The following MMP28 variants were observed in gnomAD, a reference collection of about 807,000 sequenced individuals.
MMP28 encodes the protein matrix metalloproteinase-28.
In MMP28, 55 loss-of-function variants were observed where a neutral mutation model predicts 60.5. The observed-to-expected ratio is 0.91, with a 90% confidence interval of 0.73 to 1.14. The LOEUF is 1.14. MMP28 is among the 50% of genes most tolerant of loss of function. The probability of loss-of-function intolerance (pLI) is 0.00; values close to 1 mark genes in which losing one functional copy is unlikely to be tolerated. For missense variants in MMP28, 686 were observed against 738.3 expected, an observed-to-expected ratio of 0.93 and a Z score of 0.82; for synonymous variants, 318 against 312.5, an observed-to-expected ratio of 1.02 and a Z score of -0.18.
chr17:35,778,705 G>T, intron 3 of MMP28, 183 bp downstream of exon 3: 1 of 1,370,988 alleles, frequency 7.3e-7, no homozygotes, highest in Non-Finnish European at 9.7e-7. Context: ...GTGTCATTCT[G>T]AATTAAATGT....
chr17:35,790,245 A>G (rs2086775285), intron 1 of MMP28, among the ~76,000 whole-genome samples: 1 of 151,490 alleles, frequency 6.6e-6, no homozygotes, highest in Non-Finnish European at 1.5e-5. Flanking sequence ...TACTATTTTC[A>G]GTAGAGATGA....
downstream of MMP28, among the ~76,000 whole-genome samples, chr17:35,762,079 C>T (rs1188444658): frequency 6.6e-6 from 1 of 152,050 alleles, no homozygotes; most frequent in Non-Finnish European, 1.5e-5. Flanking sequence ...CAACCTCCGA[C>T]CCCTGGGTTC....
At chr17:35,793,716 C>T (rs2086881575) in intron 1 of MMP28, among the ~76,000 whole-genome samples, 1 of 152,174 alleles carries the variant, frequency 6.6e-6, no homozygotes, top group African/African-American at 2.4e-5. Context: ...TACTGAGAAG[C>T]TCTCAACGGG....
downstream of MMP28, among the ~76,000 whole-genome samples, chr17:35,763,472 A>G (rs2085866074): frequency 6.7e-6 from 1 of 149,672 alleles, no homozygotes; most frequent in Non-Finnish European, 1.5e-5. Context: ...GAGCGAAATA[A>G]AAAGAGTCTG....
chr17:35,778,703 C>T (rs547381749), intron 3 of MMP28, 185 bp downstream of exon 3: 50 of 1,346,934 alleles, frequency 3.7e-5, no homozygotes, highest in Non-Finnish European at 4.6e-5. Flanking sequence ...AGGTGTCATT[C>T]TGAATTAAAT....
At chr17:35,768,410 G>A (rs2086014091) in intron 5 of MMP28, 31 bp from the exon 6 acceptor site, 1 of 1,550,314 alleles carries the variant, frequency 6.5e-7, no homozygotes, top group South Asian at 1.2e-5. Context: ...GAGAGAGAGA[G>A]AACACACATA....
chr17:35,766,938 C>G lies in MMP28; in HGVS notation c.1169-44G>C, dbSNP rs762354599. 7.2e-6 allele frequency: 11 copies of G among 1,530,796 alleles called. No individual in the cohort carries two copies. The highest frequency in any genetic ancestry group is 3.6e-5 in the South Asian group (3 of 83,776). The allele number at this position is 1,530,796 out of a possible 1,614,324, so 94.8% of individuals were successfully genotyped here. A position where few individuals can be genotyped will look rare whatever the true frequency, so the allele number is the denominator to read the frequency against. ...GCCAGGGTGAGCTGGAGGCTGTCACCCATTGGCCCTCTACCCCACTTCTGT... is the reference window on the plus strand; with the variant it reads ...GCCAGGGTGAGCTGGAGGCTGTCACGCATTGGCCCTCTACCCCACTTCTGT... On this transcript the variant is annotated intron_variant, in intron 7 of 7. Transcript: ENST00000605424. The surrounding 1 kb of genome is among the most constrained non-coding windows in gnomAD (Gnocchi z 4.3).
chr17:35,760,960 T>G (rs782316317), downstream of MMP28: 2 of 1,612,838 alleles, frequency 1.2e-6, no homozygotes, highest in Non-Finnish European at 8.5e-7. Context: ...GCATGGTGAG[T>G]GGGGCTGGAG....
chr17:35,780,219 C>T (rs777465180), intron 1 of MMP28, among the ~76,000 whole-genome samples: 2 of 152,042 alleles, frequency 1.3e-5, no homozygotes, highest in African/African-American at 4.8e-5. Flanking sequence ...CAGGCATGCA[C>T]CACCACGCCT....
Position 35,768,365 on chromosome 17 carries a change from C to G in MMP28, c.865G>C (p.Gly289Arg), listed in dbSNP as rs774639772. 6.2e-7 allele frequency: 1 copy of G among 1,603,992 alleles called. No homozygotes were observed. The highest frequency in any genetic ancestry group is 2.2e-5 in the East Asian group (1 of 44,788). ...VQSLYGKPLG[G>R]SVAVQLPGKL... ...CCTGGGAGCTGGACGGCCACTGAGC[C>G]CCCTAGGGGCTTCCCTTTGTGAGTA... Residue 289 changes from glycine to arginine, a missense_variant, in exon 6 of 8, where the codon GGC becomes CGC. By Grantham distance (125) the Gly-to-Arg change is moderately radical (BLOSUM62 -2). Coordinates refer to ENST00000605424, the MANE Select transcript of MMP28 (RefSeq NM_024302.5).
rs1049352294 is a variant in MMP28, at chr17:35,778,935, G to T, written c.332C>A (p.Ala111Asp). The T allele has an allele frequency of 6.2e-6, 10 of 1,614,044 alleles. No homozygotes were observed. The highest frequency in any genetic ancestry group is 8.5e-6 in the Non-Finnish European group (10 of 1,179,896). Reference protein sequence around the residue: ...AWAERISDLFARHRTKMRRKK... With the variant: ...AWAERISDLFDRHRTKMRRKK... ...ACGCCTCATTTTGGTCCGGTGTCTA[G>T]CAAACAAGTCACTGATCCTCTCAGC... The change falls in exon 3 of 8, where the codon GCT (alanine) becomes GAT (aspartate). Residue 111 changes from alanine to aspartate, a missense_variant. Ala to Asp is a moderately radical substitution (Grantham distance 126). Transcript: ENST00000605424.
At chr17:35,784,836 T>C (rs190050651) in intron 1 of MMP28, among the ~76,000 whole-genome samples, 7 of 152,318 alleles carry the variant, frequency 4.6e-5, no homozygotes, top group Middle Eastern at 3.4e-3. Flanking sequence ...AGGCAGAGTC[T>C]AGACCACTCC....
At chr17:35,787,044 T>C (rs2086672639) in intron 1 of MMP28, among the ~76,000 whole-genome samples, 1 of 152,112 alleles carries the variant, frequency 6.6e-6, no homozygotes, top group Admixed American at 6.5e-5. Context: ...GCTTTAAAAC[T>C]AAAGGGGCAA....
intron 1 of MMP28, among the ~76,000 whole-genome samples, chr17:35,789,983 A>G (rs2086763597): frequency 6.6e-6 from 1 of 150,478 alleles, no homozygotes; most frequent in South Asian, 2.1e-4. Flanking sequence ...GCTAGTCTCG[A>G]ATTCCTGATC....
chr17:35,787,930 C>T (rs115977286), intron 1 of MMP28, among the ~76,000 whole-genome samples: 2,920 of 111,006 alleles, frequency 0.026, 92 homozygotes, highest in African/African-American at 0.095. Flanking sequence ...TTTTGAGATA[C>T]GGTCTTGCTC....
At chr17:35,767,693 T>C (rs1051616771) in intron 7 of MMP28, 59 bp downstream of exon 7, 2 of 1,539,586 alleles carry the variant, frequency 1.3e-6, no homozygotes, top group Non-Finnish European at 1.8e-6. Flanking sequence ...CTTTTGACCT[T>C]GGGCAGGACA....
rs587606892 is a variant in MMP28, at chr17:35,756,395, G to A, written c.*20C>T. On this transcript the variant is annotated 3_prime_UTR_variant, in exon 3 of 3. Coordinates refer to the MMP28 transcript ENST00000615317. Reference sequence around the variant, plus strand: ...TGTTGTTACTTACATAGTCAATGCCGATCTCCCAGAACTTTGTCCTCAGGC... The same window carrying A: ...TGTTGTTACTTACATAGTCAATGCCAATCTCCCAGAACTTTGTCCTCAGGC... The A allele has an allele frequency of 2.1e-5, 21 of 985,078 alleles. No individual in the cohort carries two copies. In the East Asian group the frequency reaches 5.7e-4, roughly 27 times the overall value. 61.0% of individuals were successfully genotyped at this position (985,078 alleles called of 1,614,324 possible).
At position 35,766,990 on chromosome 17, in the gene MMP28, C is replaced by T. The variant is rs1260430132; in HGVS notation, c.1169-96G>A. On this transcript the variant is annotated intron_variant, in intron 7 of 7. Transcript: ENST00000605424. The surrounding 1 kb of genome is among the most constrained non-coding windows in gnomAD (Gnocchi z 4.3). ...CCCCATACCTCTGCTCTCCTTTAAG[C>T]TGGAGCCCACGATGGTTGGTATTCA... 1 of 1,152,676 alleles carries T rather than the reference C, an allele frequency of 8.7e-7. No homozygotes were observed. Among genetic ancestry groups the T allele is most frequent in the East Asian group, 2.6e-5 (1 of 39,114 alleles). The allele number at this position is 1,152,676 out of a possible 1,614,324, so 71.4% of individuals were successfully genotyped here.
At chr17:35,760,114 C>CTCAG (rs1427989479) in intron 2 of MMP28, among the ~76,000 whole-genome samples, 2 of 152,146 alleles carry the variant, frequency 1.3e-5, no homozygotes, top group Non-Finnish European at 2.9e-5. Context: ...GCCCTCCACT[C>CTCAG]TCAGACTTGG....
Sources: gnomAD v4.1 joint callset for allele counts (sites outside exome capture counted in the v4.1 genomes callset) on GRCh38, gnomAD v4.1.1 for gene constraint, Gnocchi (gnomAD v3.1) non-coding constraint, MANE v1.5 for transcripts, NCBI Gene and HGNC (gene_info 2026-07-23, HGNC 2026-07-21) for gene names.